The following NOL4 variants were observed in gnomAD, a reference collection of about 807,000 sequenced individuals.
NOL4 encodes nucleolar protein 4.
In NOL4, 17 loss-of-function variants were observed where a neutral mutation model predicts 75.9. That is an observed-to-expected ratio of 0.22 (90% CI 0.15 to 0.34). NOL4 has a LOEUF of 0.34. NOL4 is among the 10% of genes least tolerant of loss of function. NOL4 has a pLI of 1.00. For missense variants in NOL4, 614 were observed against 793.5 expected, an observed-to-expected ratio of 0.77 and a Z score of 2.72; for synonymous variants, 292 against 289.9, an observed-to-expected ratio of 1.01 and a Z score of -0.07.
At chr18:33,942,675 A>G (rs2068574616) in intron 9 of NOL4, among the ~76,000 whole-genome samples, 1 of 151,862 alleles carries the variant, frequency 6.6e-6, no homozygotes, top group South Asian at 2.1e-4. Context: ...AGTAGGCCAG[A>G]GGAAATTAAG....
At chr18:34,163,936 G>A (rs1240201254) in intron 1 of NOL4, among the ~76,000 whole-genome samples, 31 of 152,070 alleles carry the variant, frequency 2.0e-4, no homozygotes, top group South Asian at 6.2e-4. Flanking sequence ...AAATAATGCC[G>A]CTTATCTACA....
At chr18:34,060,263 G>A (rs1368282214) in intron 5 of NOL4, among the ~76,000 whole-genome samples, 22 of 152,136 alleles carry the variant, frequency 1.4e-4, no homozygotes, top group Admixed American at 1.4e-3. Flanking sequence ...ATTAATGAAT[G>A]TCTACTGATT....
At chr18:34,031,039 A>G (rs1330015376) in intron 5 of NOL4, among the ~76,000 whole-genome samples, 1 of 152,044 alleles carries the variant, frequency 6.6e-6, no homozygotes, top group Non-Finnish European at 1.5e-5. Flanking sequence ...GGGAATCACA[A>G]GGGGGCTGAA....
chr18:34,031,030 G>C (rs2075615323), intron 5 of NOL4, among the ~76,000 whole-genome samples: 1 of 152,030 alleles, frequency 6.6e-6, no homozygotes, highest in South Asian at 2.1e-4. Context: ...GGCAGGATAG[G>C]GAATCACAAG....
chr18:34,112,052 C>T (rs949283288), intron 2 of NOL4, among the ~76,000 whole-genome samples: 1 of 152,096 alleles, frequency 6.6e-6, no homozygotes, highest in Non-Finnish European at 1.5e-5. Context: ...TTCATTGCAA[C>T]CTTATTCACA....
chr18:34,135,881 G>A (rs1156829756), intron 1 of NOL4, among the ~76,000 whole-genome samples: 1 of 151,156 alleles, frequency 6.6e-6, no homozygotes, highest in Admixed American at 6.6e-5. Context: ...ATATATCACA[G>A]GATAAAAAAG....
intron 5 of NOL4, among the ~76,000 whole-genome samples, chr18:34,055,003 T>C (rs541465094): frequency 1.3e-5 from 2 of 149,884 alleles, no homozygotes; most frequent in African/African-American, 4.9e-5. Context: ...TTAAACAAAT[T>C]ATAACATTTT....
intron 2 of NOL4, among the ~76,000 whole-genome samples, chr18:34,111,714 G>A (rs1037912740): frequency 6.6e-6 from 1 of 152,000 alleles, no homozygotes; most frequent in Non-Finnish European, 1.5e-5. Context: ...ACATACAAAT[G>A]GCTAACAGGT....
chr18:33,983,420 T>TGGCGTGA (rs1568168050), intron 6 of NOL4, among the ~76,000 whole-genome samples: 1 of 151,848 alleles, frequency 6.6e-6, no homozygotes, highest in African/African-American at 2.4e-5. Flanking sequence ...GAAGAGTTGG[T>TGGCGTGA]ATGTGCATGT....
intron 9 of NOL4, among the ~76,000 whole-genome samples, chr18:33,934,790 T>C (rs1024865876): frequency 1.3e-5 from 2 of 152,086 alleles, no homozygotes; most frequent in Non-Finnish European, 2.9e-5. Context: ...TATAAGACCA[T>C]GAAAACTTTC....
rs909479154 is a variant in NOL4, at chr18:33,853,017, A to G, written c.1742T>C (p.Met581Thr). 1.9e-6 allele frequency: 3 copies of G among 1,611,970 alleles called. No homozygotes were observed. The highest frequency in any genetic ancestry group is 2.2e-5 in the South Asian group (2 of 90,838). The stretch of plus-strand genomic sequence containing the variant: ...TGAGCTAGTCGCCAATTGTCTCTTC[A>G]TGCTGAGATCAGTGGGTCCTAGAAA... Reference protein sequence around the residue: ...ASSSGPTDLSMKRQLATSSGS... With the variant: ...ASSSGPTDLSTKRQLATSSGS... Residue 581 changes from methionine to threonine, a missense_variant, in exon 11 of 11, where the codon ATG becomes ACG. Coordinates refer to ENST00000261592, the MANE Select transcript of NOL4 (RefSeq NM_003787.5).
At chr18:33,884,391 GT>G (rs980114417) in intron 9 of NOL4, among the ~76,000 whole-genome samples, 1 of 151,830 alleles carries the variant, frequency 6.6e-6, no homozygotes, top group African/African-American at 2.4e-5. Flanking sequence ...AAACCTTTCA[GT>G]TTTTTATTTG....
In NOL4 at chr18:34,142,332, G is replaced by T. The variant is rs528157784; in HGVS notation, c.265-12312C>A. 6.1e-4 allele frequency among the ~76,000 whole-genome samples: 93 copies of T among 152,176 alleles called. 1 individual carries two copies. The East Asian group carries it at 0.015, about 24-fold the overall frequency. ...TTGACCCAGCCATCCCATTACTGGG[G>T]ATATACCCAAAGGATTATAAATCAT... On this transcript the variant is annotated intron_variant, in intron 1 of 10. Coordinates refer to ENST00000261592, the MANE Select transcript of NOL4 (RefSeq NM_003787.5).
chr18:34,087,365 G>A (rs1255462627), intron 5 of NOL4, among the ~76,000 whole-genome samples: 1 of 152,034 alleles, frequency 6.6e-6, no homozygotes, highest in African/African-American at 2.4e-5. Context: ...TGTTTCCACT[G>A]AAAAGAGGAT....
intron 2 of NOL4, 77 bp downstream of exon 2, chr18:34,129,794 A>T: frequency 7.8e-7 from 1 of 1,289,714 alleles, no homozygotes; most frequent in Non-Finnish European, 1.0e-6. Context: ...ATTTATAATT[A>T]TCGAACCCAT....
chr18:33,877,437 T>TAACAAAAAAAAAAAAAAA (rs1555641396), intron 10 of NOL4, among the ~76,000 whole-genome samples: 1 of 106,240 alleles, frequency 9.4e-6, no homozygotes, highest in African/African-American at 3.5e-5. Flanking sequence ...GACCTTGCCT[T>TAACAAAAAAAAAAAAAAA]AAAAAAAAAA....
intron 5 of NOL4, among the ~76,000 whole-genome samples, chr18:34,032,395 G>A (rs906293176): frequency 2.6e-5 from 4 of 152,108 alleles, no homozygotes; most frequent in Non-Finnish European, 4.4e-5. Flanking sequence ...AGCTCACCTG[G>A]CCCAGTGTTG....
chr18:34,159,032 C>T (rs577613406), intron 1 of NOL4, among the ~76,000 whole-genome samples: 96 of 152,334 alleles, frequency 6.3e-4, no homozygotes, highest in Non-Finnish European at 1.2e-3. Flanking sequence ...GTTAGAGTCC[C>T]TGGAAGAGAT....
intron 5 of NOL4, among the ~76,000 whole-genome samples, chr18:34,037,269 A>T (rs962363996): frequency 1.3e-5 from 2 of 152,168 alleles, no homozygotes; most frequent in African/African-American, 4.8e-5. Context: ...ATAACACAGG[A>T]GGACACAAAC....
Sources: gnomAD v4.1 joint callset for allele counts (sites outside exome capture counted in the v4.1 genomes callset) on GRCh38, gnomAD v4.1.1 for gene constraint, MANE v1.5 for transcripts, NCBI Gene and HGNC (gene_info 2026-07-23, HGNC 2026-07-21) for gene names.